Variants in C1orf21 observed in about 807,000 individuals in gnomAD.
The protein encoded by C1orf21 is chromosome 1 open reading frame 21.
A neutral mutation model predicts 18.7 loss-of-function variants in C1orf21; 3 were observed. The observed-to-expected ratio is 0.16, with a 90% CI of 0.07 to 0.42. The LOEUF (loss-of-function observed/expected upper bound fraction) is 0.42, where lower values mean the gene tolerates loss of function less well. C1orf21 is among the 10% of genes least tolerant of loss of function. The probability of loss-of-function intolerance (pLI) is 0.99; values close to 1 mark genes in which losing one functional copy is unlikely to be tolerated. For missense variants in C1orf21, 104 were observed against 143.6 expected (o/e 0.72, Z 1.41); for synonymous variants, 41 against 46.4 (o/e 0.88, Z 0.47).
intron 1 of C1orf21, among the ~76,000 whole-genome samples, chr1:184,467,163 T>G (rs541593715): frequency 6.6e-6 from 1 of 152,306 alleles, no homozygotes; most frequent in South Asian, 2.1e-4. Context: ...GGTACTCCCT[T>G]CCTTAAAAGC....
intron 3 of C1orf21, among the ~76,000 whole-genome samples, chr1:184,564,164 C>G (rs1454650900): frequency 1.3e-5 from 2 of 152,272 alleles, no homozygotes; most frequent in East Asian, 3.9e-4. Flanking sequence ...TTGGTTTCCT[C>G]ATTTCTAACT....
chr1:184,473,661 G>A (rs1657527070), intron 1 of C1orf21, among the ~76,000 whole-genome samples: 1 of 152,138 alleles, frequency 6.6e-6, no homozygotes, highest in Non-Finnish European at 1.5e-5. Flanking sequence ...CTATAAAAGA[G>A]ATACAAATCA....
At chr1:184,542,698 T>C (rs1347740589) in intron 3 of C1orf21, 3 of 152,162 alleles carry the variant, frequency 2.0e-5, no homozygotes, top group Admixed American at 2.0e-4. Flanking sequence ...AGATGAGTTA[T>C]TAGAAAATCT....
chr1:184,482,908 G>T (rs577182576), intron 2 of C1orf21, among the ~76,000 whole-genome samples: 1 of 152,280 alleles, frequency 6.6e-6, no homozygotes, highest in East Asian at 1.9e-4. Flanking sequence ...CACAACAAAT[G>T]TGTGTGACAG....
chr1:184,548,338 G>A (rs1313946337), intron 3 of C1orf21, among the ~76,000 whole-genome samples: 1 of 151,616 alleles, frequency 6.6e-6, no homozygotes, highest in African/African-American at 2.4e-5. Context: ...ATCTGGCAGT[G>A]GTGCCTGACC....
chr1:184,463,675 G>A (rs1657342632), intron 1 of C1orf21, among the ~76,000 whole-genome samples: 1 of 152,156 alleles, frequency 6.6e-6, no homozygotes, highest in Non-Finnish European at 1.5e-5. Context: ...TAACAATATA[G>A]AACAACAGTG....
chr1:184,453,127 A>G (rs1657147052), intron 1 of C1orf21, among the ~76,000 whole-genome samples: 1 of 152,148 alleles, frequency 6.6e-6, no homozygotes, highest in Non-Finnish European at 1.5e-5. Flanking sequence ...GATGCATACT[A>G]CAGCCCACAT....
intron 5 of C1orf21, among the ~76,000 whole-genome samples, chr1:184,601,294 C>G (rs966710442): frequency 3.9e-5 from 6 of 152,096 alleles, no homozygotes. Flanking sequence ...CTTGATGCAG[C>G]CTTTGCATTT....
chr1:184,414,799 A>G (rs1320954106), intron 1 of C1orf21, among the ~76,000 whole-genome samples: 1 of 152,146 alleles, frequency 6.6e-6, no homozygotes, highest in Non-Finnish European at 1.5e-5. Flanking sequence ...GTTGAGTTTT[A>G]TGACTTAGGA....
intron 3 of C1orf21, among the ~76,000 whole-genome samples, chr1:184,543,754 G>A (rs1658691155): frequency 6.6e-6 from 1 of 152,100 alleles, no homozygotes; most frequent in Admixed American, 6.5e-5. Context: ...ATGGAACTTG[G>A]GGTTGCTGGT....
intron 3 of C1orf21, among the ~76,000 whole-genome samples, chr1:184,574,255 G>A (rs183523256): frequency 2.6e-5 from 4 of 152,192 alleles, no homozygotes; most frequent in East Asian, 1.9e-4. Flanking sequence ...TGGAAACATC[G>A]GAAGACTCAA....
intron 3 of C1orf21, among the ~76,000 whole-genome samples, chr1:184,559,540 TTCCTTCCTTCCTTC>T: frequency 7.4e-6 from 1 of 134,442 alleles, no homozygotes; most frequent in African/African-American, 2.9e-5. Flanking sequence ...CCTTCCTTCC[TTCCTTCCTTCCTTC>T]CTCTCTCTTT....
chr1:184,584,965 G>A (rs1016442568), intron 3 of C1orf21, among the ~76,000 whole-genome samples: 28 of 152,236 alleles, frequency 1.8e-4, no homozygotes, highest in African/African-American at 6.7e-4. Context: ...TGGGATGATG[G>A]CACTATGTTG....
chr1:184,445,503 G>A (rs1308555090), intron 1 of C1orf21, among the ~76,000 whole-genome samples: 2 of 131,436 alleles, frequency 1.5e-5, no homozygotes, highest in Non-Finnish European at 3.1e-5. Context: ...TACCTGATTC[G>A]ACTACACTTT....
intron 2 of C1orf21, among the ~76,000 whole-genome samples, chr1:184,479,776 C>T (rs1253748402): frequency 3.3e-5 from 5 of 151,850 alleles, no homozygotes; most frequent in African/African-American, 1.2e-4. Context: ...CACGTGCGCT[C>T]ACACCTGGCT....
chr1:184,531,350 C>T (rs1410560323), intron 3 of C1orf21, among the ~76,000 whole-genome samples: 3 of 152,108 alleles, frequency 2.0e-5, no homozygotes, highest in African/African-American at 7.2e-5. Flanking sequence ...TCTTTCAACC[C>T]TCCATATGTA....
At chr1:184,538,706 A>G in intron 3 of C1orf21, among the ~76,000 whole-genome samples, 1 of 152,188 alleles carries the variant, frequency 6.6e-6, no homozygotes, top group African/African-American at 2.4e-5. Flanking sequence ...ATTTGTTGGA[A>G]AGACTCTCTT....
At chr1:184,473,473 A>G (rs889432512) in intron 1 of C1orf21, among the ~76,000 whole-genome samples, 8 of 152,214 alleles carry the variant, frequency 5.3e-5, no homozygotes, top group Non-Finnish European at 1.5e-5. Context: ...AGCTAAAAAA[A>G]AAAATGCTGG....
At position 184,621,927 on chromosome 1, in the gene C1orf21, A is replaced by G. The variant is rs142297331; in HGVS notation, c.*2371A>G. The G allele has an allele frequency of 2.0e-5, 3 of 152,314 alleles. 1 individual carries two copies. In the East Asian group the frequency reaches 5.8e-4, roughly 29 times the overall value. 9.4% of individuals were successfully genotyped at this position (152,314 alleles called of 1,614,324 possible). A position where few individuals can be genotyped will look rare whatever the true frequency, so the allele number is the denominator to read the frequency against. On this transcript the variant is annotated 3_prime_UTR_variant, in exon 6 of 6. Transcript: ENST00000235307. The stretch of plus-strand genomic sequence containing the variant: ...GTACATCCAGAAATAGATCCAAGAA[A>G]TGGGGTGGTTGAGTGGGTCCGCACG...
Sources: gnomAD v4.1 joint callset for allele counts (sites outside exome capture counted in the v4.1 genomes callset) on GRCh38, gnomAD v4.1.1 for gene constraint, MANE v1.5 for transcripts, NCBI Gene and HGNC (gene_info 2026-07-23, HGNC 2026-07-21) for gene names.